The following PRTG variants were observed in gnomAD, a reference collection of about 807,000 sequenced individuals.
The protein encoded by PRTG is immunoglobulin superfamily, DCC subclass, member 5.
A neutral mutation model predicts 122.5 loss-of-function variants in PRTG; 67 were observed. That is an observed-to-expected ratio of 0.55 (90% CI 0.45 to 0.67). The LOEUF (loss-of-function observed/expected upper bound fraction) is 0.67, where lower values mean the gene tolerates loss of function less well. PRTG is among the 30% of genes least tolerant of loss of function. The pLI, the probability that PRTG is intolerant of heterozygous loss-of-function variation, is 0.00. For synonymous variants in PRTG, 554 were observed against 501.1 expected, an observed-to-expected ratio of 1.11 and a Z score of -1.41; for missense variants, 1,435 against 1,415.4, an observed-to-expected ratio of 1.01 and a Z score of -0.22.
Position 55,637,150 on chromosome 15 carries a change from T to A in PRTG, c.2623+20A>T, listed in dbSNP as rs774961854. On this transcript the variant is annotated intron_variant, in intron 15 of 19. Transcript: ENST00000389286. ...TAATAATCGTACTTTTCACCCTTCA[T>A]GGCAATTTATGATATTTACCTTCAC... is the stretch of plus-strand genomic sequence containing the variant. 2 of 1,483,352 alleles carry A rather than the reference T, an allele frequency of 1.3e-6. No individual in the cohort carries two copies. Among genetic ancestry groups the A allele is most frequent in the Non-Finnish European group, 1.8e-6 (2 of 1,109,634 alleles). 91.9% of individuals were successfully genotyped at this position (1,483,352 alleles called of 1,614,324 possible).
rs201095165 is a variant in PRTG at position 55,639,837 on chromosome 15, A to G, written c.2138-9T>C. 1,338 of 1,612,422 alleles carry G rather than the reference A, an allele frequency of 8.3e-4. 3 individuals carry two copies. Among genetic ancestry groups the G allele is most frequent in the Non-Finnish European group, 1.0e-3 (1,227 of 1,179,210 alleles). ...CATGCGATCACGAACAGCTATTGAG[A>G]AAAACAATGTTAATTTACGATACGA... On this transcript the variant is annotated splice_polypyrimidine_tract_variant and intron_variant, in intron 12 of 19. Transcript: ENST00000389286.
rs552066104 is a variant in PRTG at position 55,614,560 on chromosome 15, G to T, written c.*5452C>A. ...AACCACTGAAGAGAAAAGGAGAAAG[G>T]GTAACTATAAGAAGAGTTTTCAATT... is the stretch of plus-strand genomic sequence containing the variant. On this transcript the variant is annotated 3_prime_UTR_variant, in exon 20 of 20. Transcript: ENST00000389286. 6.6e-5 allele frequency: 10 copies of T among 152,080 alleles called. No homozygotes were observed. In the East Asian group the frequency reaches 1.7e-3, roughly 26 times the overall value. The allele number at this position is 152,080 out of a possible 1,614,324, so 9.4% of individuals were successfully genotyped here. A position where few individuals can be genotyped will look rare whatever the true frequency, so the allele number is the denominator to read the frequency against.
At chr15:55,678,141 T>TTTAAAA (rs2059514253) in intron 7 of PRTG, 97 bp from the exon 8 acceptor site, 8 of 738,886 alleles carry the variant, frequency 1.1e-5, no homozygotes, top group East Asian at 2.7e-5. Context: ...TTTATTTTAT[T>TTTAAAA]TTAAAATTAA....
rs1244035205 is a variant in PRTG, at chr15:55,742,942, C to A, written c.-11G>T. On this transcript the variant is annotated 5_prime_UTR_variant, in exon 1 of 20. Transcript: ENST00000389286. The stretch of plus-strand genomic sequence containing the variant: ...CAGAGGAGGCGCCATTCAGCGTAGC[C>A]GCGCGGGCATGCTCCCCGGCCGCCC... 15 of 1,511,096 alleles carry A rather than the reference C, an allele frequency of 9.9e-6. No individual in the cohort carries two copies. The highest frequency in any genetic ancestry group is 1.3e-5 in the Non-Finnish European group (15 of 1,129,522). 93.6% of individuals were successfully genotyped at this position (1,511,096 alleles called of 1,614,324 possible).
At chr15:55,706,405 C>T (rs147094814) in intron 2 of PRTG, among the ~76,000 whole-genome samples, 1,617 of 151,802 alleles carry the variant, frequency 0.011, 13 homozygotes, top group Middle Eastern at 0.034. Flanking sequence ...TAAGAATACA[C>T]AACACATGCA....
intron 18 of PRTG, 39 bp downstream of exon 18, chr15:55,624,303 G>C (rs1257474955): frequency 1.9e-6 from 3 of 1,593,650 alleles, no homozygotes; most frequent in Non-Finnish European, 8.6e-7. Flanking sequence ...GAGGAGGAAT[G>C]GAAGAACGGC....
chr15:55,671,805 T>C (rs2059473523), intron 11 of PRTG, among the ~76,000 whole-genome samples: 1 of 152,168 alleles, frequency 6.6e-6, no homozygotes, highest in Non-Finnish European at 1.5e-5. Context: ...CTGGCCCATG[T>C]ATTCATTTTG....
chr15:55,625,871 C>T (rs1007914045), intron 17 of PRTG, among the ~76,000 whole-genome samples: 4 of 152,078 alleles, frequency 2.6e-5, no homozygotes, highest in Admixed American at 2.6e-4. Context: ...GATCCGCTCA[C>T]CTCGGCCTCC....
intron 15 of PRTG, among the ~76,000 whole-genome samples, chr15:55,635,095 G>GTGTA (rs1567076999): frequency 1.3e-5 from 2 of 149,278 alleles, no homozygotes; most frequent in African/African-American, 4.9e-5. Context: ...GTGTGTGTGT[G>GTGTA]TGTGTGTGTT....
chr15:55,738,754 A>T, intron 2 of PRTG: 4 of 187,422 alleles, frequency 2.1e-5, no homozygotes, highest in Non-Finnish European at 4.3e-5. Context: ...AGGCAGAGGG[A>T]GGGAAGAGAC....
At chr15:55,708,147 G>GGAA (rs1567109053) in intron 2 of PRTG, among the ~76,000 whole-genome samples, 1 of 27,942 alleles carries the variant, frequency 3.6e-5, no homozygotes, top group African/African-American at 1.7e-4. Context: ...GAGTAAGCTG[G>GGAA]TAAAAAAAAA....
At chr15:55,708,899 C>A (rs1432292777) in intron 2 of PRTG, among the ~76,000 whole-genome samples, 1 of 151,864 alleles carries the variant, frequency 6.6e-6, no homozygotes, top group East Asian at 1.9e-4. Context: ...AATCCCAGCA[C>A]TTTGGGAGTC....
chr15:55,653,168 TAGAC>T (rs935486756), intron 11 of PRTG, among the ~76,000 whole-genome samples: 7 of 152,202 alleles, frequency 4.6e-5, no homozygotes, highest in South Asian at 2.1e-4. Flanking sequence ...GAGTATAAAA[TAGAC>T]AGAACGGCAG....
chr15:55,635,070 TCTGG>T (rs2059249433), intron 15 of PRTG, among the ~76,000 whole-genome samples: 2 of 95,090 alleles, frequency 2.1e-5, no homozygotes, highest in African/African-American at 9.4e-5. Flanking sequence ...TGTTGTTGGT[TCTGG>T]GTGTGTGTGT....
At chr15:55,692,102 G>A (rs2059606360) in intron 2 of PRTG, among the ~76,000 whole-genome samples, 1 of 152,024 alleles carries the variant, frequency 6.6e-6, no homozygotes, top group South Asian at 2.1e-4. Context: ...ACTACCTCAA[G>A]CTAAAATTTA....
chr15:55,647,162 C>G (rs1202551524), intron 11 of PRTG, among the ~76,000 whole-genome samples: 2 of 152,048 alleles, frequency 1.3e-5, no homozygotes, highest in African/African-American at 4.8e-5. Flanking sequence ...CGCCTGTAAT[C>G]CTAGCTACTT....
intron 11 of PRTG, among the ~76,000 whole-genome samples, chr15:55,645,370 C>G (rs559047497): frequency 6.1e-5 from 8 of 131,260 alleles, no homozygotes; most frequent in African/African-American, 2.2e-4. Context: ...GGAGGCGGAG[C>G]TTGCAGTGAG....
chr15:55,737,065 A>G (rs1595687797), intron 2 of PRTG, among the ~76,000 whole-genome samples: 1 of 152,336 alleles, frequency 6.6e-6, no homozygotes, highest in East Asian at 1.9e-4. Flanking sequence ...ATAACCATAG[A>G]TCATTTCTTA....
At chr15:55,635,359 G>A (rs2141727881) in intron 15 of PRTG, among the ~76,000 whole-genome samples, 1 of 152,240 alleles carries the variant, frequency 6.6e-6, no homozygotes, top group African/African-American at 2.4e-5. Flanking sequence ...CAAAGTGCTG[G>A]GATTACAGGC....
Sources: allele counts gnomAD v4.1 joint callset (sites outside exome capture counted in the v4.1 genomes callset), GRCh38; gene constraint gnomAD v4.1.1; transcripts MANE v1.5; gene names NCBI Gene and HGNC (gene_info 2026-07-23, HGNC 2026-07-21).